Variants in TRNT1 observed in about 807,000 individuals in gnomAD.
The protein encoded by TRNT1 is tRNA nucleotidyl transferase 1.
Under a neutral mutation model 45.6 loss-of-function variants are expected in TRNT1, and 44 were observed. The observed-to-expected ratio is 0.97, with a 90% CI of 0.76 to 1.24. The LOEUF is 1.24. Among genes scored for constraint, TRNT1 ranks in the 50% most tolerant of loss-of-function variants. TRNT1 has a pLI of 0.00. For missense variants in TRNT1, 633 were observed against 504.4 expected (o/e 1.25, Z -2.44); for synonymous variants, 201 against 171.4 (o/e 1.17, Z -1.35).
intron 5 of TRNT1, chr3:3,145,224 G>C (rs1705920696): frequency 6.6e-6 from 1 of 152,544 alleles, no homozygotes; most frequent in Non-Finnish European, 1.5e-5. Flanking sequence ...ACTTGGATGG[G>C]CCGGGTGTGG....
intron 1 of TRNT1, among the ~76,000 whole-genome samples, chr3:3,128,236 G>C (rs1386725522): frequency 5.3e-5 from 8 of 152,074 alleles, no homozygotes; most frequent in East Asian, 1.9e-4. Flanking sequence ...AAACTTGTTC[G>C]TGGAGGCCTG....
downstream of TRNT1, chr3:3,149,247 T>C (rs113488067): frequency 1.3e-5 from 2 of 152,244 alleles, no homozygotes; most frequent in African/African-American, 4.8e-5. Context: ...AGTAATTAGA[T>C]GCATTATAAA....
At chr3:3,147,867 CAT>C (rs1706159911) in intron 7 of TRNT1, 37 bp from the exon 8 acceptor site, 1 of 1,584,350 alleles carries the variant, frequency 6.3e-7, no homozygotes, top group Non-Finnish European at 8.6e-7. Flanking sequence ...TGTATGTTTT[CAT>C]GTGTGACGAA....
At chr3:3,140,925 A>T (rs569410456) in intron 4 of TRNT1, among the ~76,000 whole-genome samples, 1 of 152,182 alleles carries the variant, frequency 6.6e-6, no homozygotes, top group African/African-American at 2.4e-5. Flanking sequence ...TACTAAAAAT[A>T]TAAAAAATTA....
chr3:3,136,794 A>G (rs756694914), intron 2 of TRNT1: 4 of 360,670 alleles, frequency 1.1e-5, no homozygotes, highest in Non-Finnish European at 2.1e-5. Flanking sequence ...AGCTGGGACT[A>G]CAGGTGTGCG....
downstream of TRNT1, chr3:3,149,442 GAAAATTT>G (rs1706318128): frequency 7.0e-6 from 1 of 143,882 alleles, no homozygotes; most frequent in South Asian, 2.5e-4. Context: ...TTACAGATCA[GAAAATTT>G]TATTTGCTAG....
intron 2 of TRNT1, 107 bp downstream of exon 2, chr3:3,129,295 A>AT (rs1704845123): frequency 4.6e-6 from 5 of 1,087,768 alleles, no homozygotes; most frequent in Non-Finnish European, 6.6e-6. Context: ...TGTTTTAATT[A>AT]TTTTTATTAA....
In TRNT1 at chr3:3,148,739, T is replaced by C. The variant is rs1706239661; in HGVS notation, c.*585T>C. The C allele has an allele frequency of 6.6e-6, 1 of 152,206 alleles. No individual in the cohort carries two copies. The highest frequency in any genetic ancestry group is 2.1e-4 in the South Asian group (1 of 4,838). 9.4% of individuals were successfully genotyped at this position (152,206 alleles called of 1,614,324 possible). A position where few individuals can be genotyped will look rare whatever the true frequency, so the allele number is the denominator to read the frequency against. On this transcript the variant is annotated 3_prime_UTR_variant, in exon 8 of 8. Coordinates refer to ENST00000251607, the MANE Select transcript of TRNT1 (RefSeq NM_182916.3). ...TGTGGTTGATATTTTTCTGTCACAA[T>C]GATTTCTTTATGCATGCAGAGCCTG...
intron 7 of TRNT1, 29 bp downstream of exon 7, chr3:3,147,732 T>C (rs370691626): frequency 2.7e-4 from 418 of 1,569,504 alleles, no homozygotes; most frequent in Non-Finnish European, 3.5e-4. Context: ...TGGTCAGAAA[T>C]ATGAAGTATC....
At chr3:3,150,874 A>G, downstream of TRNT1, 1 of 1,613,606 alleles carries the variant, frequency 6.2e-7, no homozygotes, top group Non-Finnish European at 8.5e-7. Context: ...TTTACAAGCA[A>G]AGTATTACTT....
Position 3,146,919 on chromosome 3 carries a change from A to T in TRNT1, c.802+296A>T, listed in dbSNP as rs114714609. 1.8e-3 allele frequency among the ~76,000 whole-genome samples: 279 copies of T among 152,282 alleles called. 2 individuals are homozygous for T. The highest frequency in any genetic ancestry group is 6.3e-3 in the African/African-American group (263 of 41,554). Reference sequence around the variant, plus strand: ...TTTCTAACCCAAAAAAGCGGTTTAAAAGTAATGTAGCCTCTATCTAATAGG... The same window carrying T: ...TTTCTAACCCAAAAAAGCGGTTTAATAGTAATGTAGCCTCTATCTAATAGG... On this transcript the variant is annotated intron_variant, in intron 6 of 7. Coordinates refer to ENST00000251607, the MANE Select transcript of TRNT1 (RefSeq NM_182916.3).
chr3:3,129,970 C>T, intron 2 of TRNT1: 1 of 1,550,456 alleles, frequency 6.4e-7, no homozygotes, highest in South Asian at 1.2e-5. Flanking sequence ...GGAGTTGCCT[C>T]CATTGTGCAC....
rs568624390 is a variant in TRNT1, at chr3:3,136,611, A to C, written c.149-649A>C. ...TTACCATTTCTAAAGTATGCACATA[A>C]ATGGGGAAAAGAAAGCAGAATTGTT... On this transcript the variant is annotated intron_variant, in intron 2 of 7. Coordinates refer to ENST00000251607, the MANE Select transcript of TRNT1 (RefSeq NM_182916.3). 2.8e-4 allele frequency: 123 copies of C among 432,646 alleles called. 4 individuals are homozygous for C. Among genetic ancestry groups the C allele is most frequent in the South Asian group, 2.1e-3 (122 of 59,334 alleles). The allele number at this position is 432,646 out of a possible 1,614,324, so 26.8% of individuals were successfully genotyped here.
At position 3,136,822 on chromosome 3, in the gene TRNT1, T is replaced by C. The variant is rs966967824; in HGVS notation, c.149-438T>C. ...GGTGTGCGCCACTGAACCTGGCTAT[T>C]TTTATTTTTTGTATAGATAGAGTCT... is the stretch of plus-strand genomic sequence containing the variant. On this transcript the variant is annotated intron_variant, in intron 2 of 7. Transcript: ENST00000251607. The C allele has an allele frequency of 3.9e-5, 13 of 333,686 alleles. No individual in the cohort carries two copies. In the East Asian group the frequency reaches 4.9e-4, roughly 13 times the overall value. 20.7% of individuals were successfully genotyped at this position (333,686 alleles called of 1,614,324 possible). A position where few individuals can be genotyped will look rare whatever the true frequency, so the allele number is the denominator to read the frequency against.
chr3:3,128,912 A>T (rs987702433), intron 1 of TRNT1, 102 bp from the exon 2 acceptor site: 2 of 891,662 alleles, frequency 2.2e-6, no homozygotes, highest in Non-Finnish European at 3.4e-6. Flanking sequence ...TGAACAAGAG[A>T]TGAATTTCTG....
At chr3:3,139,986 C>G (rs1287571516) in intron 3 of TRNT1, among the ~76,000 whole-genome samples, 2 of 152,204 alleles carry the variant, frequency 1.3e-5, no homozygotes, top group African/African-American at 4.8e-5. Flanking sequence ...GCCTTGACCT[C>G]CCAAAGTGCT....
intron 2 of TRNT1, among the ~76,000 whole-genome samples, chr3:3,133,245 C>G (rs1458901339): frequency 6.6e-6 from 1 of 152,108 alleles, no homozygotes; most frequent in African/African-American, 2.4e-5. Flanking sequence ...CAATCATATG[C>G]TAGTGGCATA....
At chr3:3,147,743 G>C (rs771906563) in intron 7 of TRNT1, 40 bp downstream of exon 7, 2 of 1,554,174 alleles carry the variant, frequency 1.3e-6, no homozygotes. Flanking sequence ...ATGAAGTATC[G>C]TCACGAATTT....
chr3:3,141,313 G>A (rs1367037924), intron 4 of TRNT1, among the ~76,000 whole-genome samples: 1 of 147,588 alleles, frequency 6.8e-6, no homozygotes, highest in Non-Finnish European at 1.5e-5. Flanking sequence ...ACACACACAT[G>A]GTACATGTAC....
Sources: gnomAD v4.1 joint callset for allele counts (sites outside exome capture counted in the v4.1 genomes callset) on GRCh38, gnomAD v4.1.1 for gene constraint, MANE v1.5 for transcripts, NCBI Gene and HGNC (gene_info 2026-07-23, HGNC 2026-07-21) for gene names.